Variants in ULK4 observed in about 807,000 individuals in gnomAD.
ULK4 encodes the protein unc-51 like kinase 4.
In ULK4, 133 loss-of-function variants were observed where a neutral mutation model predicts 160.6. That is an observed-to-expected ratio of 0.83 (90% CI 0.72 to 0.96). ULK4 has a LOEUF of 0.96. Ranked by LOEUF, ULK4 falls within the 40% of genes least tolerant of loss-of-function variation. ULK4 has a pLI of 0.00. For missense variants in ULK4, 1,580 were observed against 1,499.5 expected (o/e 1.05, Z -0.89); for synonymous variants, 534 against 539.8 (o/e 0.99, Z 0.15).
At chr3:41,435,799 T>C (rs2083021436) in intron 34 of ULK4, among the ~76,000 whole-genome samples, 1 of 151,980 alleles carries the variant, frequency 6.6e-6, no homozygotes, top group Non-Finnish European at 1.5e-5. Context: ...ATATAAAAAT[T>C]AGCTGGGCAT....
At chr3:41,309,316 C>G (rs1329833824) in intron 35 of ULK4, among the ~76,000 whole-genome samples, 1 of 151,894 alleles carries the variant, frequency 6.6e-6, no homozygotes, top group Non-Finnish European at 1.5e-5. Context: ...TGTAGAACAA[C>G]AAAGATAAAG....
chr3:41,404,626 G>A (rs939378757), intron 34 of ULK4, among the ~76,000 whole-genome samples: 1 of 152,164 alleles, frequency 6.6e-6, no homozygotes, highest in African/African-American at 2.4e-5. Flanking sequence ...AGTAAGCCAT[G>A]ATGGTTCTAC....
At position 41,360,786 on chromosome 3, in the gene ULK4, G is replaced by A. The variant is rs529118731; in HGVS notation, c.3678+37293C>T. ...TGTCAGAGGGTGAAGGCTGGAAGGA[G>A]GGAGTGCATCAGACAGAACAGCCAG... On this transcript the variant is annotated intron_variant, in intron 35 of 36. Transcript: ENST00000301831. 3.3e-5 allele frequency among the ~76,000 whole-genome samples: 5 copies of A among 152,300 alleles called. No individual in the cohort carries two copies. The East Asian group carries it at 7.7e-4, about 24-fold the overall frequency.
intron 35 of ULK4, among the ~76,000 whole-genome samples, chr3:41,302,169 T>G (rs1248705044): frequency 6.6e-6 from 1 of 152,230 alleles, no homozygotes; most frequent in Non-Finnish European, 1.5e-5. Flanking sequence ...AGTCATGAAA[T>G]GTCAAGCATT....
At chr3:41,352,727 T>C (rs9311271) in intron 35 of ULK4, among the ~76,000 whole-genome samples, 49,839 of 151,992 alleles carry the variant, frequency 0.33, 8,239 homozygotes, top group South Asian at 0.45. Flanking sequence ...GCTTAACTTC[T>C]TCCCTTGGAC....
At chr3:41,270,100 A>G (rs1359087656) in intron 35 of ULK4, among the ~76,000 whole-genome samples, 2 of 152,192 alleles carry the variant, frequency 1.3e-5, no homozygotes, top group Non-Finnish European at 2.9e-5. Context: ...GTTGTTAGCT[A>G]AAGTTGGAGG....
At chr3:41,668,716 G>A (rs1435363148) in intron 29 of ULK4, among the ~76,000 whole-genome samples, 5 of 152,120 alleles carry the variant, frequency 3.3e-5, no homozygotes, top group Admixed American at 2.6e-4. Flanking sequence ...TTTAGAAAGG[G>A]AGTTAGGCTG....
chr3:41,311,519 A>G (rs34316686), intron 35 of ULK4, among the ~76,000 whole-genome samples: 84,605 of 151,986 alleles, frequency 0.56, 25,583 homozygotes, highest in African/African-American at 0.81. Context: ...GCTTGCAGGC[A>G]GCCTATTGTG....
At chr3:41,438,540 C>G (rs1001075572) in intron 34 of ULK4, among the ~76,000 whole-genome samples, 1 of 152,132 alleles carries the variant, frequency 6.6e-6, no homozygotes, top group African/African-American at 2.4e-5. Context: ...ACATACACAG[C>G]AGCTTGAAGT....
chr3:41,419,028 A>C (rs189356627), intron 34 of ULK4, among the ~76,000 whole-genome samples: 1 of 152,356 alleles, frequency 6.6e-6, no homozygotes, highest in East Asian at 1.9e-4. Context: ...TAGAACACCA[A>C]GTTCATAAGT....
chr3:41,861,258 T>C (rs2042491905), intron 17 of ULK4, among the ~76,000 whole-genome samples: 1 of 152,224 alleles, frequency 6.6e-6, no homozygotes, highest in Non-Finnish European at 1.5e-5. Flanking sequence ...TACCTTCAGA[T>C]GATTATTTCT....
At chr3:41,898,617 C>A in intron 13 of ULK4, 125 bp from the exon 14 acceptor site, 5 of 580,270 alleles carry the variant, frequency 8.6e-6, no homozygotes, top group South Asian at 5.5e-5. Flanking sequence ...AAATTTGTTA[C>A]CAAAAAGAAT....
intron 2 of ULK4, among the ~76,000 whole-genome samples, chr3:41,951,197 G>A (rs1028747610): frequency 6.9e-6 from 1 of 145,340 alleles, no homozygotes; most frequent in Non-Finnish European, 1.5e-5. Context: ...AATATCACGT[G>A]TTTATGAATT....
chr3:41,688,373 G>C (rs1575571395), intron 27 of ULK4, among the ~76,000 whole-genome samples: 1 of 152,252 alleles, frequency 6.6e-6, no homozygotes, highest in East Asian at 1.9e-4. Flanking sequence ...GAGCCACATA[G>C]TGGAACCCCC....
intron 2 of ULK4, among the ~76,000 whole-genome samples, chr3:41,952,316 A>G (rs976470287): frequency 2.6e-5 from 4 of 152,270 alleles, no homozygotes; most frequent in Non-Finnish European, 5.9e-5. Context: ...ATAACAGATT[A>G]ATATCTAGAA....
At chr3:41,704,516 C>T (rs2036800125) in intron 27 of ULK4, among the ~76,000 whole-genome samples, 1 of 152,180 alleles carries the variant, frequency 6.6e-6, no homozygotes, top group Non-Finnish European at 1.5e-5. Context: ...CTCCTAAAGT[C>T]AACAAGCAGC....
At chr3:41,329,847 G>A (rs565448487) in intron 35 of ULK4, among the ~76,000 whole-genome samples, 1 of 152,198 alleles carries the variant, frequency 6.6e-6, no homozygotes, top group Admixed American at 6.5e-5. Context: ...TCATAAGAAA[G>A]GGTATTTATT....
chr3:41,831,723 C>G (rs1007310558), intron 18 of ULK4, among the ~76,000 whole-genome samples: 5 of 151,898 alleles, frequency 3.3e-5, no homozygotes, highest in Non-Finnish European at 4.4e-5. Flanking sequence ...TGACAGGCCC[C>G]CATGTGTGTT....
At chr3:41,659,312 C>T (rs919038685) in intron 30 of ULK4, among the ~76,000 whole-genome samples, 3 of 152,082 alleles carry the variant, frequency 2.0e-5, no homozygotes, top group African/African-American at 7.2e-5. Context: ...ATACGGAACC[C>T]AGACTTTGTT....
Sources: gnomAD v4.1 joint callset for allele counts (sites outside exome capture counted in the v4.1 genomes callset) on GRCh38, gnomAD v4.1.1 for gene constraint, MANE v1.5 for transcripts, NCBI Gene and HGNC (gene_info 2026-07-23, HGNC 2026-07-21) for gene names.